Variants in SLC23A2 observed in about 807,000 individuals in gnomAD.
SLC23A2 encodes the protein solute carrier family 23 member 2, also known as Na(+)/L-ascorbic acid transporter 2.
A neutral mutation model predicts 73.3 loss-of-function variants in SLC23A2; 36 were observed. That is an observed-to-expected ratio of 0.49 (90% CI 0.38 to 0.65). The LOEUF is 0.65. Ranked by LOEUF, SLC23A2 falls within the 30% of genes least tolerant of loss-of-function variation. The pLI is 0.00. For missense variants in SLC23A2, 507 were observed against 841.6 expected, an observed-to-expected ratio of 0.60 and a Z score of 4.92; for synonymous variants, 343 against 327.3, an observed-to-expected ratio of 1.05 and a Z score of -0.52.
intron 6 of SLC23A2, among the ~76,000 whole-genome samples, chr20:4,898,335 T>C (rs1776963): frequency 0.81 from 122,903 of 152,222 alleles, 49,857 homozygotes; most frequent in Non-Finnish European, 0.83. Flanking sequence ...GTGTGGCCTA[T>C]CCTGGCAACC....
At chr20:4,914,274 T>C (rs1050531133) in intron 3 of SLC23A2, among the ~76,000 whole-genome samples, 1 of 151,314 alleles carries the variant, frequency 6.6e-6, no homozygotes, top group Non-Finnish European at 1.5e-5. Flanking sequence ...GGAAAAAGGA[T>C]GGAAAGGAAA....
At chr20:4,966,982 G>T (rs2087486485) in intron 2 of SLC23A2, among the ~76,000 whole-genome samples, 1 of 152,056 alleles carries the variant, frequency 6.6e-6, no homozygotes, top group Admixed American at 6.6e-5. Flanking sequence ...AGAACTGAGA[G>T]GAGGGAAGGA....
At chr20:4,874,464 GCA>G (rs1930577725) in intron 10 of SLC23A2, 110 bp downstream of exon 10, 2 of 981,982 alleles carry the variant, frequency 2.0e-6, no homozygotes, top group African/African-American at 3.3e-5. Context: ...TGGTCTCACT[GCA>G]CAGATATGAT....
intron 2 of SLC23A2, among the ~76,000 whole-genome samples, chr20:4,946,587 C>A (rs193286335): frequency 1.3e-4 from 20 of 152,262 alleles, no homozygotes; most frequent in Middle Eastern, 3.4e-3. Flanking sequence ...ACAGAAGATC[C>A]CTTCAGTCCA....
intron 1 of SLC23A2, among the ~76,000 whole-genome samples, chr20:4,979,008 G>A (rs6038026): frequency 0.46 from 69,326 of 151,974 alleles, 16,319 homozygotes; most frequent in Middle Eastern, 0.56. Context: ...GACCAGGCAC[G>A]GTGGCTCACG....
At chr20:5,001,638 T>TGGCACCCGGCAGCGCTCCCC (rs2088129520), upstream of SLC23A2, 1 of 122,048 alleles carries the variant, frequency 8.2e-6, no homozygotes, top group African/African-American at 3.2e-5. Context: ...GGCTGCTCCC[T>TGGCACCCGGCAGCGCTCCCC]GGCACCCGGC....
chr20:4,940,283 A>G (rs565957744), intron 2 of SLC23A2, among the ~76,000 whole-genome samples: 1 of 151,862 alleles, frequency 6.6e-6, no homozygotes, highest in Non-Finnish European at 1.5e-5. Flanking sequence ...CCGCTTCACT[A>G]CAGCCTGGGT....
chr20:4,959,176 G>C (rs2087339514), intron 2 of SLC23A2, among the ~76,000 whole-genome samples: 1 of 151,088 alleles, frequency 6.6e-6, no homozygotes, highest in African/African-American at 2.4e-5. Flanking sequence ...CCAAGATTGT[G>C]CCATTGCACT....
chr20:4,859,178 T>C, intron 16 of SLC23A2, 111 bp downstream of exon 16: 1 of 699,170 alleles, frequency 1.4e-6, no homozygotes, highest in Non-Finnish European at 2.5e-6. Context: ...TAACCAGTGA[T>C]GGCTTTGAAC....
Position 4,862,964 on chromosome 20 carries a change from TAA to T in SLC23A2, c.1357-59_1357-58del. 5 of 1,560,638 alleles carry T rather than the reference TAA, an allele frequency of 3.2e-6. No individual in the cohort carries two copies. The highest frequency in any genetic ancestry group is 1.8e-6 in the Non-Finnish European group (2 of 1,142,406). ...GACTCATCTCCATGCAAAATCACCG[TAA>T]GTTACTAAAGAACACACAGCAGAGA... On this transcript the variant is annotated intron_variant, in intron 13 of 16. Transcript: ENST00000338244. The surrounding 1 kb of genome is among the most constrained non-coding windows in gnomAD (Gnocchi z 5.1).
intron 16 of SLC23A2, 91 bp downstream of exon 16, chr20:4,859,198 C>T: frequency 5.1e-6 from 4 of 784,638 alleles, no homozygotes; most frequent in Admixed American, 2.0e-5. Context: ...CTCATTTACT[C>T]TTCCCGTTTT....
At chr20:4,920,843 G>A (rs1188692900) in intron 3 of SLC23A2, among the ~76,000 whole-genome samples, 2 of 152,140 alleles carry the variant, frequency 1.3e-5, no homozygotes, top group East Asian at 1.9e-4. Flanking sequence ...GGTGCGGCTG[G>A]TTCTCCCTCT....
chr20:4,969,207 C>T (rs2122216283), intron 2 of SLC23A2, among the ~76,000 whole-genome samples: 1 of 152,058 alleles, frequency 6.6e-6, no homozygotes, highest in African/African-American at 2.4e-5. Context: ...CCTACCTCAG[C>T]CTCCCGAATA....
chr20:4,921,669 C>G (rs536802378), intron 3 of SLC23A2, among the ~76,000 whole-genome samples: 1 of 150,446 alleles, frequency 6.6e-6, no homozygotes, highest in Non-Finnish European at 1.5e-5. Context: ...ACCAAAATAA[C>G]AGAAAGTGGT....
intron 1 of SLC23A2, among the ~76,000 whole-genome samples, chr20:4,988,327 T>C (rs1047240859): frequency 2.7e-5 from 4 of 149,422 alleles, no homozygotes; most frequent in African/African-American, 7.5e-5. Flanking sequence ...GCTGACCGTG[T>C]GTGGTGGCTC....
intron 3 of SLC23A2, among the ~76,000 whole-genome samples, chr20:4,915,739 C>T (rs940682868): frequency 1.3e-5 from 2 of 152,092 alleles, no homozygotes; most frequent in Admixed American, 6.5e-5. Flanking sequence ...CCCGAGATCA[C>T]GAGTTCGAGA....
At chr20:4,861,194 C>T (rs780349910) in intron 15 of SLC23A2, among the ~76,000 whole-genome samples, 8 of 152,090 alleles carry the variant, frequency 5.3e-5, no homozygotes, top group East Asian at 1.9e-4. Context: ...GAAAGCACAC[C>T]GGTGGCTGCC....
chr20:4,893,650 T>C (rs6116570), intron 6 of SLC23A2, among the ~76,000 whole-genome samples: 13,603 of 152,140 alleles, frequency 0.089, 1,566 homozygotes, highest in African/African-American at 0.27. Flanking sequence ...TCTCTCTCCT[T>C]AGGGCAGACA....
At chr20:5,008,687 G>A (rs950927023) in intron 1 of SLC23A2, among the ~76,000 whole-genome samples, 6 of 151,900 alleles carry the variant, frequency 3.9e-5, no homozygotes, top group Admixed American at 2.0e-4. Flanking sequence ...TCCCTGCCTC[G>A]AGTACTGAAG....
Sources: allele counts gnomAD v4.1 joint callset (sites outside exome capture counted in the v4.1 genomes callset), GRCh38; gene constraint gnomAD v4.1.1; non-coding constraint Gnocchi (gnomAD v3.1); transcripts MANE v1.5; gene names NCBI Gene and HGNC (gene_info 2026-07-23, HGNC 2026-07-21).